ZNF385D: variants seen among roughly 807,000 people sequenced by gnomAD.
ZNF385D encodes zinc finger protein 659.
ZNF385D carries 15 observed loss-of-function variants against 35.8 expected under a neutral mutation model. The ratio of observed to expected loss-of-function variants is 0.42; its 90% CI spans 0.28 to 0.64. The LOEUF is 0.64. ZNF385D is among the 30% of genes least tolerant of loss of function. ZNF385D has a pLI of 0.23. For missense variants in ZNF385D, 474 were observed against 494.6 expected (o/e 0.96, Z 0.39); for synonymous variants, 212 against 186.8 (o/e 1.13, Z -1.10).
At chr3:21,551,857 T>C (rs1333374185) in intron 3 of ZNF385D, among the ~76,000 whole-genome samples, 2 of 152,016 alleles carry the variant, frequency 1.3e-5, no homozygotes, top group Non-Finnish European at 2.9e-5. Flanking sequence ...AACTGTACTA[T>C]AAAGGAAACA....
At chr3:21,455,529 C>T (rs1702747045) in intron 4 of ZNF385D, among the ~76,000 whole-genome samples, 1 of 152,116 alleles carries the variant, frequency 6.6e-6, no homozygotes, top group African/African-American at 2.4e-5. Flanking sequence ...AACTGGCTAG[C>T]CATATGTAGA....
chr3:21,645,893 C>G (rs994180264), intron 2 of ZNF385D, among the ~76,000 whole-genome samples: 3 of 152,158 alleles, frequency 2.0e-5, no homozygotes, highest in African/African-American at 7.2e-5. Context: ...TGTACATTTT[C>G]ACCAGGAATG....
chr3:22,369,047 AG>A (rs1696785390), intron 2 of ZNF385D, among the ~76,000 whole-genome samples: 1 of 152,160 alleles, frequency 6.6e-6, no homozygotes, highest in African/African-American at 2.4e-5. Context: ...TCAACTCACC[AG>A]CTTTATTTTA....
chr3:22,134,823 G>A (rs183017428), intron 3 of ZNF385D, among the ~76,000 whole-genome samples: 2 of 151,898 alleles, frequency 1.3e-5, no homozygotes, highest in African/African-American at 4.8e-5. Context: ...ATAAAAGAGG[G>A]GTCTAACTCA....
At chr3:21,947,804 T>C (rs615095) in intron 3 of ZNF385D, among the ~76,000 whole-genome samples, 39,426 of 152,070 alleles carry the variant, frequency 0.26, 5,829 homozygotes, top group Admixed American at 0.41. Flanking sequence ...ATCATTGGTG[T>C]TATGCTTAGA....
intron 3 of ZNF385D, among the ~76,000 whole-genome samples, chr3:22,045,770 T>C (rs572732462): frequency 3.3e-5 from 5 of 152,030 alleles, no homozygotes; most frequent in Non-Finnish European, 7.4e-5. Flanking sequence ...CTCAAACCAA[T>C]GGAGCCTGGC....
At chr3:21,996,508 C>T (rs573916417) in intron 3 of ZNF385D, among the ~76,000 whole-genome samples, 5 of 152,028 alleles carry the variant, frequency 3.3e-5, no homozygotes, top group South Asian at 2.1e-4. Context: ...AAATAAATGA[C>T]GGGTGCCATC....
At chr3:21,968,163 G>A (rs1026298496) in intron 3 of ZNF385D, among the ~76,000 whole-genome samples, 13 of 152,192 alleles carry the variant, frequency 8.5e-5, no homozygotes, top group Non-Finnish European at 1.3e-4. Context: ...CAGTCACAGC[G>A]GAAAGCAACA....
At chr3:21,664,632 C>A (rs1018563028) in intron 2 of ZNF385D, among the ~76,000 whole-genome samples, 8 of 152,052 alleles carry the variant, frequency 5.3e-5, no homozygotes, top group Admixed American at 4.6e-4. Context: ...TGCTGTTGCC[C>A]AGAAGACACT....
At chr3:21,914,660 T>C (rs1700112953) in intron 3 of ZNF385D, among the ~76,000 whole-genome samples, 1 of 152,048 alleles carries the variant, frequency 6.6e-6, no homozygotes, top group Non-Finnish European at 1.5e-5. Flanking sequence ...TACTGGAAGT[T>C]ACAATAAAAA....
chr3:22,001,072 GA>G (rs1289587126), intron 3 of ZNF385D, among the ~76,000 whole-genome samples: 2 of 151,580 alleles, frequency 1.3e-5, no homozygotes, highest in Non-Finnish European at 2.9e-5. Context: ...AGTAAGAGAG[GA>G]AAAAAGGAAC....
intron 2 of ZNF385D, among the ~76,000 whole-genome samples, chr3:22,243,540 A>C (rs1343247684): frequency 1.3e-5 from 2 of 151,042 alleles, no homozygotes; most frequent in Non-Finnish European, 2.9e-5. Context: ...CTGTGTTTTG[A>C]AAGTGGGGTA....
At chr3:21,826,647 G>T (rs944524853) in intron 3 of ZNF385D, among the ~76,000 whole-genome samples, 3 of 152,046 alleles carry the variant, frequency 2.0e-5, no homozygotes, top group Admixed American at 6.6e-5. Context: ...ATTTCACAGA[G>T]CAGGCACTCT....
At chr3:22,267,560 GAAAT>G (rs1700959331) in intron 2 of ZNF385D, among the ~76,000 whole-genome samples, 1 of 151,768 alleles carries the variant, frequency 6.6e-6, no homozygotes, top group Admixed American at 6.6e-5. Flanking sequence ...TTCTCAGTAA[GAAAT>G]AATAACTCAC....
intron 2 of ZNF385D, among the ~76,000 whole-genome samples, chr3:22,286,662 A>G (rs1160854784): frequency 2.6e-5 from 4 of 152,120 alleles, no homozygotes; most frequent in African/African-American, 9.7e-5. Context: ...TAGTTGTTCA[A>G]AAGTATGTTT....
chr3:21,982,251 G>A (rs186223117), intron 3 of ZNF385D, among the ~76,000 whole-genome samples: 170 of 151,918 alleles, frequency 1.1e-3, no homozygotes, highest in African/African-American at 3.9e-3. Flanking sequence ...TTATTTCTTT[G>A]AGCAATGTTT....
At chr3:21,437,704 A>AAAAAAAAAAAAC (rs1701634778) in intron 4 of ZNF385D, among the ~76,000 whole-genome samples, 1 of 143,666 alleles carries the variant, frequency 7.0e-6, no homozygotes, top group South Asian at 2.3e-4. Flanking sequence ...GCTTATACAA[A>AAAAAAAAAAAAC]AAAAAAAAAA....
intron 3 of ZNF385D, among the ~76,000 whole-genome samples, chr3:21,549,658 G>A (rs2062500804): frequency 6.6e-6 from 1 of 152,186 alleles, no homozygotes; most frequent in Non-Finnish European, 1.5e-5. Flanking sequence ...GTTCTCAGAT[G>A]TGTCTCTTCT....
At position 21,495,618 on chromosome 3, in the gene ZNF385D, C is replaced by T. The variant is rs150330736; in HGVS notation, c.439+15243G>A. On this transcript the variant is annotated intron_variant, in intron 4 of 7. Coordinates refer to ENST00000281523, the MANE Select transcript of ZNF385D (RefSeq NM_024697.3). ...AGTAAAGAAGATATCAAATTAACAA[C>T]CTAACATCACAATTAGAGAAACTGG... Among the ~76,000 whole-genome samples, 179 of 152,104 alleles carry T rather than the reference C, an allele frequency of 1.2e-3. 1 individual carries two copies. The highest frequency in any genetic ancestry group is 3.7e-3 in the African/African-American group (155 of 41,508).
Sources: allele counts gnomAD v4.1 joint callset (sites outside exome capture counted in the v4.1 genomes callset), GRCh38; gene constraint gnomAD v4.1.1; transcripts MANE v1.5; gene names NCBI Gene and HGNC (gene_info 2026-07-23, HGNC 2026-07-21).